The following SNTG1 variants were observed in gnomAD, a reference collection of about 807,000 sequenced individuals.
SNTG1 encodes gamma-1-syntrophin.
In SNTG1, 39 loss-of-function variants were observed where a neutral mutation model predicts 74.7. The ratio of observed to expected loss-of-function variants is 0.52; its 90% confidence interval spans 0.40 to 0.68. SNTG1 has a LOEUF of 0.68. Among genes scored for constraint, SNTG1 ranks in the 30% least tolerant of loss-of-function variants. The probability of loss-of-function intolerance (pLI) is 0.00; values close to 1 mark genes in which losing one functional copy is unlikely to be tolerated. For synonymous variants in SNTG1, 254 were observed against 217.1 expected (o/e 1.17, Z -1.49); for missense variants, 685 against 609.5 (o/e 1.12, Z -1.30).
intron 2 of SNTG1, among the ~76,000 whole-genome samples, chr8:50,388,089 G>C (rs1398084536): frequency 2.0e-5 from 3 of 152,174 alleles, no homozygotes; most frequent in Non-Finnish European, 4.4e-5. Context: ...TCTGGGTTTA[G>C]TGTTCAGAAA....
At chr8:50,713,135 C>T (rs1416308750) in intron 17 of SNTG1, among the ~76,000 whole-genome samples, 2 of 152,144 alleles carry the variant, frequency 1.3e-5, no homozygotes, top group Admixed American at 6.5e-5. Context: ...AAAAGTATTC[C>T]TATTTCTCCA....
intron 2 of SNTG1, among the ~76,000 whole-genome samples, chr8:50,296,552 G>C (rs1373495220): frequency 3.3e-5 from 5 of 152,224 alleles, no homozygotes; most frequent in Admixed American, 2.0e-4. Context: ...CCATAAGTGG[G>C]AGTTGAAAAT....
At chr8:50,591,329 A>G (rs1029757582) in intron 13 of SNTG1, among the ~76,000 whole-genome samples, 4 of 152,114 alleles carry the variant, frequency 2.6e-5, no homozygotes, top group African/African-American at 7.2e-5. Flanking sequence ...TAGAACAAAA[A>G]TAATTTTGAT....
At chr8:50,331,839 G>A (rs941512068) in intron 2 of SNTG1, among the ~76,000 whole-genome samples, 1 of 152,154 alleles carries the variant, frequency 6.6e-6, no homozygotes, top group Non-Finnish European at 1.5e-5. Flanking sequence ...GAACAACTGG[G>A]TAGCTGAAGA....
intron 1 of SNTG1, among the ~76,000 whole-genome samples, chr8:50,054,228 T>C (rs2130896433): frequency 6.6e-6 from 1 of 152,236 alleles, no homozygotes; most frequent in South Asian, 2.1e-4. Flanking sequence ...GGCTCCCTTC[T>C]GGGCAGCTCC....
intron 1 of SNTG1, among the ~76,000 whole-genome samples, chr8:49,913,651 T>C (rs1805771019): frequency 6.6e-6 from 1 of 152,200 alleles, no homozygotes; most frequent in Admixed American, 6.5e-5. Context: ...TATTATTGAT[T>C]TGGATTCCTT....
intron 13 of SNTG1, among the ~76,000 whole-genome samples, chr8:50,615,577 A>G (rs1206572359): frequency 6.6e-6 from 1 of 152,204 alleles, no homozygotes; most frequent in Non-Finnish European, 1.5e-5. Flanking sequence ...ATCATGCCAT[A>G]GGAACTCTAC....
chr8:49,976,581 A>G (rs1009232320), intron 1 of SNTG1, among the ~76,000 whole-genome samples: 21 of 152,186 alleles, frequency 1.4e-4, no homozygotes, highest in Non-Finnish European at 2.4e-4. Context: ...CCAAAAGAAA[A>G]GTGTCTTAAA....
At chr8:50,414,664 T>C (rs921438089) in intron 4 of SNTG1, among the ~76,000 whole-genome samples, 6 of 152,222 alleles carry the variant, frequency 3.9e-5, no homozygotes, top group African/African-American at 1.4e-4. Flanking sequence ...CATCATTTTA[T>C]TGTGTGTTGT....
At chr8:50,664,708 C>CAGG (rs2095242197) in intron 15 of SNTG1, among the ~76,000 whole-genome samples, 1 of 152,092 alleles carries the variant, frequency 6.6e-6, no homozygotes, top group Admixed American at 6.6e-5. Flanking sequence ...CAGCTGAATT[C>CAGG]AGGAGTACAG....
intron 12 of SNTG1, among the ~76,000 whole-genome samples, chr8:50,572,090 A>G (rs907221510): frequency 6.6e-6 from 1 of 152,118 alleles, no homozygotes; most frequent in Non-Finnish European, 1.5e-5. Context: ...ACTGATAAAC[A>G]AAAAACAATT....
At chr8:50,433,150 T>C (rs2131536817) in intron 4 of SNTG1, among the ~76,000 whole-genome samples, 1 of 152,340 alleles carries the variant, frequency 6.6e-6, no homozygotes, top group South Asian at 2.1e-4. Context: ...TAATTTTCAA[T>C]TCCAATTTCT....
intron 1 of SNTG1, among the ~76,000 whole-genome samples, chr8:50,171,302 T>C (rs1405797182): frequency 6.6e-6 from 1 of 152,164 alleles, no homozygotes; most frequent in East Asian, 1.9e-4. Flanking sequence ...TGTCCCACAA[T>C]AGGCTGCCTG....
At chr8:50,589,453 C>A (rs921069462) in intron 12 of SNTG1, among the ~76,000 whole-genome samples, 1 of 151,152 alleles carries the variant, frequency 6.6e-6, no homozygotes, top group Non-Finnish European at 1.5e-5. Flanking sequence ...TCAATCACTA[C>A]TTTCTATCCC....
intron 15 of SNTG1, among the ~76,000 whole-genome samples, chr8:50,671,473 G>A (rs545847741): frequency 2.6e-5 from 4 of 152,226 alleles, no homozygotes; most frequent in African/African-American, 9.6e-5. Context: ...TCAGAGAAAT[G>A]CAAATCAAAA....
intron 8 of SNTG1, among the ~76,000 whole-genome samples, chr8:50,496,430 T>C (rs1048704886): frequency 2.6e-5 from 4 of 152,136 alleles, no homozygotes; most frequent in Admixed American, 1.3e-4. Context: ...TTTTTATCAA[T>C]TAAAAGCAAG....
intron 2 of SNTG1, among the ~76,000 whole-genome samples, chr8:50,385,325 G>A (rs1307948435): frequency 2.0e-5 from 3 of 152,134 alleles, no homozygotes; most frequent in South Asian, 4.1e-4. Flanking sequence ...AGGCCTCCTA[G>A]GCATTGTCCC....
At chr8:50,135,166 G>A (rs1345154335) in intron 1 of SNTG1, among the ~76,000 whole-genome samples, 3 of 152,114 alleles carry the variant, frequency 2.0e-5, no homozygotes, top group Non-Finnish European at 4.4e-5. Context: ...GAAAAGGCAT[G>A]AAAAGTCAAT....
At chr8:50,041,440 G>A (rs534936374) in intron 1 of SNTG1, among the ~76,000 whole-genome samples, 2 of 152,284 alleles carry the variant, frequency 1.3e-5, no homozygotes, top group Admixed American at 6.5e-5. Context: ...CAACATTAAT[G>A]ACAGTGTAAA....
Sources: allele counts gnomAD v4.1 joint callset (sites outside exome capture counted in the v4.1 genomes callset), GRCh38; gene constraint gnomAD v4.1.1; transcripts MANE v1.5; gene names NCBI Gene and HGNC (gene_info 2026-07-23, HGNC 2026-07-21).